The following SLC1A2 variants were observed in gnomAD, a reference collection of about 807,000 sequenced individuals.
SLC1A2 encodes the protein excitatory amino acid transporter 2.
In SLC1A2, 15 loss-of-function variants were observed where a neutral mutation model predicts 48.8. The ratio of observed to expected loss-of-function variants is 0.31; its 90% CI spans 0.21 to 0.47. SLC1A2 has a LOEUF of 0.47. SLC1A2 is among the 20% of genes least tolerant of loss of function. SLC1A2 has a pLI of 0.99. For synonymous variants in SLC1A2, 279 were observed against 272.6 expected, an observed-to-expected ratio of 1.02 and a Z score of -0.23; for missense variants, 502 against 730.5, an observed-to-expected ratio of 0.69 and a Z score of 3.61.
At chr11:35,411,064 C>G (rs908438494) in intron 1 of SLC1A2, among the ~76,000 whole-genome samples, 2 of 152,110 alleles carry the variant, frequency 1.3e-5, no homozygotes, top group Non-Finnish European at 2.9e-5. Context: ...TAATTATGAC[C>G]TAAAAATCAA....
At chr11:35,377,455 T>C (rs1177902670) in intron 1 of SLC1A2, among the ~76,000 whole-genome samples, 7 of 152,176 alleles carry the variant, frequency 4.6e-5, no homozygotes, top group Non-Finnish European at 8.8e-5. Context: ...CACCCGTCAT[T>C]CCATCTGTTC....
At chr11:35,411,689 A>G (rs146903319) in intron 1 of SLC1A2, among the ~76,000 whole-genome samples, 40 of 137,106 alleles carry the variant, frequency 2.9e-4, no homozygotes, top group African/African-American at 9.7e-4. Context: ...ATGATATCTA[A>G]GAGAGAAGAA....
At chr11:35,285,337 G>A (rs7927678) in intron 8 of SLC1A2, 1 of 152,160 alleles carries the variant, frequency 6.6e-6, no homozygotes, top group East Asian at 1.9e-4. Flanking sequence ...TTCTCTTCAG[G>A]ACTGCTGGTC....
chr11:35,380,393 T>C, intron 1 of SLC1A2: 3 of 398,634 alleles, frequency 7.5e-6, no homozygotes, highest in Non-Finnish European at 1.3e-5. Flanking sequence ...TCTCCAAATG[T>C]GGTCCTTGGG....
intron 9 of SLC1A2, among the ~76,000 whole-genome samples, chr11:35,279,156 C>T (rs1456205751): frequency 6.6e-6 from 1 of 152,242 alleles, no homozygotes; most frequent in Non-Finnish European, 1.5e-5. Context: ...GCACTTGTCA[C>T]TCTGTGCCTC....
At chr11:35,262,912 C>T (rs1363426332) in intron 10 of SLC1A2, among the ~76,000 whole-genome samples, 1 of 152,172 alleles carries the variant, frequency 6.6e-6, no homozygotes, top group South Asian at 2.1e-4. Context: ...GCTGGCTAAC[C>T]ATTTACATAG....
intron 1 of SLC1A2, among the ~76,000 whole-genome samples, chr11:35,387,886 C>T (rs1181747114): frequency 6.6e-6 from 1 of 152,172 alleles, no homozygotes; most frequent in African/African-American, 2.4e-5. Context: ...CTTATTCATA[C>T]CAAAAATTCA....
chr11:35,332,284 C>T (rs186413593), intron 1 of SLC1A2, among the ~76,000 whole-genome samples: 15 of 152,296 alleles, frequency 9.8e-5, no homozygotes, highest in African/African-American at 2.9e-4. Flanking sequence ...TGTTGGCTAC[C>T]GGGTCATCAA....
At chr11:35,284,847 G>A (rs1850760299) in intron 8 of SLC1A2, among the ~76,000 whole-genome samples, 1 of 152,170 alleles carries the variant, frequency 6.6e-6, no homozygotes, top group African/African-American at 2.4e-5. Flanking sequence ...GACACTGGGT[G>A]GTCCCTGAGC....
rs764887837 is a variant in SLC1A2, at chr11:35,312,382, G to A, written c.377C>T (p.Ser126Phe). 6.2e-7 allele frequency: 1 copy of A among 1,614,142 alleles called. No homozygotes were observed. The highest frequency in any genetic ancestry group is 2.2e-5 in the East Asian group (1 of 44,888). The change falls in exon 4 of 11, where the codon TCC becomes TTC. Residue 126 changes from serine to phenylalanine, a missense_variant. Physicochemically the swap from Ser to Phe is radical, Grantham distance 155 (BLOSUM62 -2). Around this residue, in one of 4 missense-constraint regions of SLC1A2, gnomAD observed 309 missense variants for 480.3 expected, o/e 0.64. Coordinates refer to ENST00000278379, the MANE Select transcript of SLC1A2 (RefSeq NM_004171.4). ...LGTRAMVYYM[S>F]TTIIAAVLGV... ...CAGTACTGCAGCAATGATGGTCGTG[G>A]ACATGTAATACACCATGGCTCTCGT... is the stretch of plus-strand genomic sequence containing the variant.
At chr11:35,369,878 C>A (rs60404595) in intron 1 of SLC1A2, among the ~76,000 whole-genome samples, 2,016 of 152,128 alleles carry the variant, frequency 0.013, 44 homozygotes, top group African/African-American at 0.047. Context: ...TATAAGGATC[C>A]CTAGCCAGTC....
intron 7 of SLC1A2, among the ~76,000 whole-genome samples, chr11:35,290,851 C>T (rs1339499130): frequency 6.6e-6 from 1 of 151,906 alleles, no homozygotes; most frequent in Non-Finnish European, 1.5e-5. Flanking sequence ...AGAATCTAGA[C>T]CCTTAAGATT....
chr11:35,279,163 C>T (rs7109108), intron 9 of SLC1A2, among the ~76,000 whole-genome samples: 3,875 of 152,310 alleles, frequency 0.025, 165 homozygotes, highest in African/African-American at 0.088. Context: ...TCACTCTGTG[C>T]CTCTGACATT....
chr11:35,312,158 A>G lies in SLC1A2; in HGVS notation c.561+40T>C, dbSNP rs778723541. The G allele has an allele frequency of 6.2e-6, 10 of 1,605,050 alleles. 1 individual carries two copies. The Middle Eastern group carries it at 6.6e-4, about 107-fold the overall frequency. On this transcript the variant is annotated intron_variant, in intron 4 of 10. Coordinates refer to ENST00000278379, the MANE Select transcript of SLC1A2 (RefSeq NM_004171.4). The stretch of plus-strand genomic sequence containing the variant: ...TCTTAAGTTATCGCCTTGATAACTT[A>G]GAGGACTGGAGAAGAGAGAACATCT...
chr11:35,419,512 A>G lies in SLC1A2; in HGVS notation c.-546T>C. ...AGGTTTAGCCCCGCCGGAGCTGGGG[A>G]TTTGCAGGCGATCCCTCTCTATTTT... On this transcript the variant is annotated 5_prime_UTR_variant, in exon 1 of 11. Coordinates refer to ENST00000278379, the MANE Select transcript of SLC1A2 (RefSeq NM_004171.4). This position sits in a 1 kb window ranked among gnomAD's most constrained non-coding sequence, Gnocchi z 5.4. 6.3e-6 allele frequency: 1 copy of G among 158,218 alleles called. No homozygotes were observed. Among genetic ancestry groups the G allele is most frequent in the East Asian group, 1.9e-4 (1 of 5,340 alleles). The allele number at this position is 158,218 out of a possible 1,614,324, so 9.8% of individuals were successfully genotyped here.
intron 7 of SLC1A2, 143 bp from the exon 8 acceptor site, chr11:35,287,094 G>A: frequency 1.5e-6 from 1 of 674,078 alleles, no homozygotes; most frequent in South Asian, 1.9e-5. Context: ...AGCAGTATCT[G>A]GAGCCAGATT....
chr11:35,260,727 GC>G lies in SLC1A2; in HGVS notation c.*166del. ...TTATTTGGCAAAGACACAGCACCGT[GC>G]CTGTCATCACTGACTCACAAGAGCT... On this transcript the variant is annotated 3_prime_UTR_variant, in exon 11 of 11. Coordinates refer to ENST00000278379, the MANE Select transcript of SLC1A2 (RefSeq NM_004171.4). 1.6e-6 allele frequency: 1 copy of G among 615,148 alleles called. No individual in the cohort carries two copies. Among genetic ancestry groups the G allele is most frequent in the Non-Finnish European group, 2.9e-6 (1 of 345,224 alleles). 38.1% of individuals were successfully genotyped at this position (615,148 alleles called of 1,614,324 possible).
chr11:35,292,048 A>G, intron 7 of SLC1A2: 1 of 483,376 alleles, frequency 2.1e-6, no homozygotes, highest in Non-Finnish European at 3.7e-6. Flanking sequence ...TTATCTGAAA[A>G]ATTTAATGTG....
chr11:35,395,540 G>A (rs1187933983), intron 1 of SLC1A2, among the ~76,000 whole-genome samples: 4 of 152,080 alleles, frequency 2.6e-5, no homozygotes, highest in Non-Finnish European at 5.9e-5. Flanking sequence ...CACAGGTAAA[G>A]CAGGCAGCAG....
Sources: allele counts gnomAD v4.1 joint callset (sites outside exome capture counted in the v4.1 genomes callset), GRCh38; gene constraint gnomAD v4.1.1; regional missense constraint gnomAD v4.1.1; non-coding constraint Gnocchi (gnomAD v3.1); transcripts MANE v1.5; gene names NCBI Gene and HGNC (gene_info 2026-07-23, HGNC 2026-07-21).